Variants in TBCD observed in about 807,000 individuals in gnomAD.
TBCD encodes the protein tubulin folding cofactor D.
TBCD carries 105 observed loss-of-function variants against 169.3 expected under a neutral mutation model. The observed-to-expected ratio is 0.62, with a 90% CI of 0.53 to 0.73. The LOEUF (loss-of-function observed/expected upper bound fraction) is 0.73. TBCD is among the 30% of genes least tolerant of loss of function. The pLI is 0.00. For missense variants in TBCD, 1,444 were observed against 1,600.1 expected, an observed-to-expected ratio of 0.90 and a Z score of 1.66; for synonymous variants, 700 against 643.9, an observed-to-expected ratio of 1.09 and a Z score of -1.32.
Position 82,900,718 on chromosome 17 carries a change from A to T in TBCD, c.1717A>T (p.Ser573Cys), listed in dbSNP as rs541812308. The change falls in exon 18 of 39, where the codon AGC becomes TGC. Residue 573 changes from serine to cysteine, a missense_variant. By Grantham distance (112) the Ser-to-Cys change is moderately radical. Coordinates refer to ENST00000355528, the MANE Select transcript of TBCD (RefSeq NM_005993.5). ...AGACCACCTGGTTACCATGAAGATC[A>T]GCCACTGGGATGGGTAGGTTTTCTG... ...MIDHLVTMKI[S>C]HWDGVIRELA... 2 of 1,613,918 alleles carry T rather than the reference A, an allele frequency of 1.2e-6. No homozygotes were observed. The highest frequency in any genetic ancestry group is 3.3e-5 in the Admixed American group (2 of 60,022).
chr17:82,847,628 C>T (rs375565469), intron 13 of TBCD, among the ~76,000 whole-genome samples: 7 of 152,088 alleles, frequency 4.6e-5, no homozygotes, highest in South Asian at 4.1e-4. Flanking sequence ...GTACAAATAA[C>T]GCCACAATTT....
intron 7 of TBCD, among the ~76,000 whole-genome samples, chr17:82,788,165 G>T (rs1598494171): frequency 6.6e-6 from 1 of 152,312 alleles, no homozygotes; most frequent in South Asian, 2.1e-4. Flanking sequence ...TTGAACCCGG[G>T]AGGTGGAGGT....
chr17:82,798,730 T>G (rs2050287434), intron 8 of TBCD, among the ~76,000 whole-genome samples: 1 of 147,078 alleles, frequency 6.8e-6, no homozygotes, highest in Non-Finnish European at 1.5e-5. Flanking sequence ...CCACCACCTC[T>G]TTTGCCTTCT....
In TBCD at chr17:82,917,003, C is replaced by CT. The variant is rs1185300575; in HGVS notation, c.2039-3543dup. 2.7e-4 allele frequency among the ~76,000 whole-genome samples: 35 copies of CT among 128,658 alleles called. No homozygotes were observed. In the Middle Eastern group the frequency reaches 0.012, roughly 44 times the overall value. The allele number at this position is 128,658 out of a possible 152,430, so 84.4% of individuals were successfully genotyped here. On this transcript the variant is annotated intron_variant, in intron 23 of 38. Coordinates refer to ENST00000355528, the MANE Select transcript of TBCD (RefSeq NM_005993.5). ...CTGGTTTTGTCTTATTCAGTTTGGACTTTTTTTTTTCTTTTCTTTTCTTTT... is the reference window on the plus strand; with the variant it reads ...CTGGTTTTGTCTTATTCAGTTTGGACTTTTTTTTTTTCTTTTCTTTTCTTTT...
chr17:82,883,453 A>C (rs1041658908), intron 14 of TBCD, among the ~76,000 whole-genome samples: 1 of 152,218 alleles, frequency 6.6e-6, no homozygotes, highest in Non-Finnish European at 1.5e-5. Context: ...TCACAAGAGG[A>C]CATAATGAAG....
In TBCD at chr17:82,771,417, CAGTG is replaced by C. The variant is rs1191070840; in HGVS notation, c.583-1031_583-1028del. Among the ~76,000 whole-genome samples, 224 of 151,706 alleles carry C rather than the reference CAGTG, an allele frequency of 1.5e-3. 3 individuals carry two copies. The highest frequency in any genetic ancestry group is 3.1e-3 in the East Asian group (16 of 5,166). ...ATCTGAGCTGGGGAGGTTGGTGCTG[CAGTG>C]AGTTTTTTTTTTTTTGAGATGGAGT... On this transcript the variant is annotated intron_variant, in intron 5 of 38. Transcript: ENST00000355528.
chr17:82,833,988 A>C lies in TBCD; in HGVS notation c.1318+19054A>C, dbSNP rs190118231. Among the ~76,000 whole-genome samples, 1 of 150,996 alleles carries C rather than the reference A, an allele frequency of 6.6e-6. No individual in the cohort carries two copies. Among genetic ancestry groups the C allele is most frequent in the South Asian group, 2.1e-4 (1 of 4,730 alleles). On this transcript the variant is annotated intron_variant, in intron 13 of 38. Transcript: ENST00000355528. The surrounding 1 kb of genome is among the most constrained non-coding windows in gnomAD (Gnocchi z 4.7). ...AGACAGAGTTTCTCCCTTGTTGCCC[A>C]GTCTGGAGTGCCATGGCGCAATCTC...
In TBCD at chr17:82,927,961, G is replaced by A. The variant is rs752376573; in HGVS notation, c.2666G>A (p.Ser889Asn). 3.1e-6 allele frequency: 5 copies of A among 1,612,470 alleles called. No homozygotes were observed. In the East Asian group the frequency reaches 1.1e-4, roughly 36 times the overall value. The change falls in exon 30 of 39, where the codon AGC (serine) becomes AAC (asparagine). Residue 889 changes from serine (S) to asparagine (N), a missense_variant. Physicochemically the swap from Ser to Asn is conservative, Grantham distance 46. Coordinates refer to ENST00000355528, the MANE Select transcript of TBCD (RefSeq NM_005993.5). Reference protein sequence around the residue: ...LMDLTLLLARSQPELIEAHTC... With the variant: ...LMDLTLLLARNQPELIEAHTC... ...GATCTGACACTTCTGCTGGCTCGGA[G>A]CCAGCCTGAGCTGATCGAGGCCCAT... is the stretch of plus-strand genomic sequence containing the variant.
At chr17:82,921,676 C>G in intron 25 of TBCD, 99 bp downstream of exon 25, 1 of 1,084,672 alleles carries the variant, frequency 9.2e-7, no homozygotes, top group Non-Finnish European at 1.4e-6. Flanking sequence ...ATGAGGCTGT[C>G]CCTGCAGTAG....
chr17:82,807,649 C>T lies in TBCD; in HGVS notation c.1129C>T (p.Arg377Trp), dbSNP rs750174260. 10 of 1,550,802 alleles carry T rather than the reference C, an allele frequency of 6.4e-6. No individual in the cohort carries two copies. Among genetic ancestry groups the T allele is most frequent in the Admixed American group, 1.9e-5 (1 of 51,864 alleles). Residue 377 changes from arginine (R) to tryptophan (W), a missense_variant, in exon 11 of 39, where the codon CGG (arginine) becomes TGG (tryptophan). Arg to Trp is a moderately radical substitution (Grantham distance 101). Transcript: ENST00000355528. ...GCTGAAGGACAAGGACACGGTCGTG[C>T]GGTGGTCTGCAGCCAAGGGGTAGGT... ...VGLKDKDTVV[R>W]WSAAKGIGRM... is the part of the protein sequence containing the mutation.
In TBCD at chr17:82,809,705, C is replaced by T. The variant is rs753281944; in HGVS notation, c.1149-3C>T. On this transcript the variant is annotated splice_polypyrimidine_tract_variant and splice_region_variant and intron_variant, in intron 11 of 38. Coordinates refer to ENST00000355528, the MANE Select transcript of TBCD (RefSeq NM_005993.5). The stretch of plus-strand genomic sequence containing the variant: ...CTGACGGATTGCTGCGTTTCTCTTT[C>T]AGCATCGGTAGGATGGCTGGCAGGC... 1 of 1,612,900 alleles carries T rather than the reference C, an allele frequency of 6.2e-7. No homozygotes were observed. The highest frequency in any genetic ancestry group is 1.1e-5 in the South Asian group (1 of 90,800).
chr17:82,887,994 C>T (rs2058871832), intron 15 of TBCD, among the ~76,000 whole-genome samples: 1 of 152,194 alleles, frequency 6.6e-6, no homozygotes, highest in Admixed American at 6.5e-5. Flanking sequence ...TTCTGGTCCT[C>T]TGTTGGATTT....
chr17:82,849,946 T>TGTTGGCTG (rs1567886521), intron 13 of TBCD, among the ~76,000 whole-genome samples: 1 of 126,618 alleles, frequency 7.9e-6, no homozygotes, highest in Admixed American at 8.1e-5. Context: ...GGCTGTGCTG[T>TGTTGGCTG]TGTTGCCTGT....
At chr17:82,840,394 G>A (rs534338337) in intron 13 of TBCD, 3 of 152,290 alleles carry the variant, frequency 2.0e-5, no homozygotes, top group Non-Finnish European at 4.4e-5. Context: ...TGTGTACGCA[G>A]GAGGCAAACA....
intron 9 of TBCD, among the ~76,000 whole-genome samples, chr17:82,802,937 C>T (rs181530896): frequency 3.8e-4 from 58 of 152,376 alleles, no homozygotes; most frequent in Non-Finnish European, 6.6e-4. Context: ...TAATGATGTG[C>T]GTGTTGCCAC....
chr17:82,904,663 A>G (rs2060112774), intron 19 of TBCD, among the ~76,000 whole-genome samples: 1 of 152,156 alleles, frequency 6.6e-6, no homozygotes, highest in Non-Finnish European at 1.5e-5. Context: ...CCCGACATTT[A>G]TTACAGGGGC....
Position 82,786,498 on chromosome 17 carries a change from G to C in TBCD, c.771+4777G>C, listed in dbSNP as rs372317712. On this transcript the variant is annotated intron_variant, in intron 7 of 38. Coordinates refer to ENST00000355528, the MANE Select transcript of TBCD (RefSeq NM_005993.5). ...CTTCTAGGGGTCTCCTGCAGCTCTC[G>C]TCAGCCTGGCCTGGGAGCCTCCCCT... 5.9e-5 allele frequency among the ~76,000 whole-genome samples: 9 copies of C among 152,160 alleles called. No individual in the cohort carries two copies. The South Asian group carries it at 1.2e-3, about 21-fold the overall frequency.
intron 22 of TBCD, among the ~76,000 whole-genome samples, chr17:82,909,580 C>T (rs2060480410): frequency 6.8e-6 from 1 of 146,030 alleles, no homozygotes; most frequent in South Asian, 2.2e-4. Flanking sequence ...GTCACCCGGC[C>T]CGCTGTGGGA....
chr17:82,849,771 C>A (rs1355261228), intron 13 of TBCD, among the ~76,000 whole-genome samples: 1 of 152,256 alleles, frequency 6.6e-6, no homozygotes, highest in Non-Finnish European at 1.5e-5. Context: ...CTCAGCCAGG[C>A]AGGACCTTCT....
Sources: gnomAD v4.1 joint callset for allele counts (sites outside exome capture counted in the v4.1 genomes callset) on GRCh38, gnomAD v4.1.1 for gene constraint, Gnocchi (gnomAD v3.1) non-coding constraint, MANE v1.5 for transcripts, NCBI Gene and HGNC (gene_info 2026-07-23, HGNC 2026-07-21) for gene names.